The following XIRP2 variants were observed in gnomAD, a reference collection of about 807,000 sequenced individuals.
XIRP2 encodes the protein xin actin binding repeat containing 2.
Under a neutral mutation model 277.0 loss-of-function variants are expected in XIRP2, and 236 were observed. The observed-to-expected ratio is 0.85, with a 90% CI of 0.77 to 0.95. The LOEUF (loss-of-function observed/expected upper bound fraction) is 0.95. Among genes scored for constraint, XIRP2 ranks in the 40% least tolerant of loss-of-function variants. The pLI, the probability that XIRP2 is intolerant of heterozygous loss-of-function variation, is 0.00. For synonymous variants in XIRP2, 1,490 were observed against 1,416.5 expected (o/e 1.05, Z -1.17); for missense variants, 4,640 against 4,157.5 (o/e 1.12, Z -3.19).
At chr2:167,214,129 G>GGAAA in intron 4 of XIRP2, among the ~76,000 whole-genome samples, 1 of 121,676 alleles carries the variant, frequency 8.2e-6, no homozygotes, top group East Asian at 2.4e-4. Context: ...AAGGAAGGAA[G>GGAAA]GAAGGAAGCA....
At chr2:167,084,606 C>CT (rs1161715579) in intron 2 of XIRP2, among the ~76,000 whole-genome samples, 3 of 151,860 alleles carry the variant, frequency 2.0e-5, no homozygotes, top group African/African-American at 4.8e-5. Flanking sequence ...TTGATTATTG[C>CT]CACAATTTCA....
At chr2:167,098,506 G>C (rs188747836) in intron 2 of XIRP2, among the ~76,000 whole-genome samples, 1 of 152,126 alleles carries the variant, frequency 6.6e-6, no homozygotes, top group African/African-American at 2.4e-5. Flanking sequence ...TCCTTTAGAG[G>C]AGTTTGTTAT....
intron 2 of XIRP2, among the ~76,000 whole-genome samples, chr2:167,073,632 T>C (rs1241299794): frequency 1.3e-5 from 2 of 152,126 alleles, no homozygotes; most frequent in Non-Finnish European, 2.9e-5. Context: ...CTAAACCTAC[T>C]GGTGTAATTA....
intron 2 of XIRP2, 51 bp downstream of exon 2, chr2:166,903,941 AGCCT>A (rs1192836304): frequency 6.4e-7 from 1 of 1,562,820 alleles, no homozygotes; most frequent in African/African-American, 1.4e-5. Flanking sequence ...TTCCTTGCCT[AGCCT>A]ACCATTTATT....
At chr2:167,130,983 T>C (rs1691357042) in intron 2 of XIRP2, among the ~76,000 whole-genome samples, 1 of 152,030 alleles carries the variant, frequency 6.6e-6, no homozygotes, top group South Asian at 2.1e-4. Flanking sequence ...ACTGCCACAG[T>C]CATCTTTAGT....
At chr2:166,929,255 G>A (rs996933645) in intron 2 of XIRP2, among the ~76,000 whole-genome samples, 5 of 152,050 alleles carry the variant, frequency 3.3e-5, no homozygotes, top group African/African-American at 1.2e-4. Flanking sequence ...GACCAGATAT[G>A]TTTTCCACTT....
rs948466784 is a variant in XIRP2 at position 167,184,732 on chromosome 2, A to T, written c.563-26003A>T. On this transcript the variant is annotated intron_variant, in intron 3 of 10. Transcript: ENST00000409195. Reference sequence around the variant, plus strand: ...CTTACATATATTATCTCTGCAATTGATGTCACTTTCTATTTGTCTTCCATG... The same window carrying T: ...CTTACATATATTATCTCTGCAATTGTTGTCACTTTCTATTTGTCTTCCATG... 9 of 656,922 alleles carry T rather than the reference A, an allele frequency of 1.4e-5. No homozygotes were observed. The Admixed American group carries it at 1.5e-4, about 11-fold the overall frequency. The allele number at this position is 656,922 out of a possible 1,614,324, so 40.7% of individuals were successfully genotyped here. A position where few individuals can be genotyped will look rare whatever the true frequency, so the allele number is the denominator to read the frequency against.
At chr2:167,141,663 G>C (rs904264468) in intron 3 of XIRP2, among the ~76,000 whole-genome samples, 3 of 152,008 alleles carry the variant, frequency 2.0e-5, no homozygotes, top group Admixed American at 6.6e-5. Flanking sequence ...AAGAGTTCAA[G>C]ACCAGCTTGG....
intron 2 of XIRP2, among the ~76,000 whole-genome samples, chr2:166,931,085 A>T (rs1470221376): frequency 6.6e-6 from 1 of 152,186 alleles, no homozygotes; most frequent in Non-Finnish European, 1.5e-5. Context: ...GAGAACTAAA[A>T]TTCAGAAAAT....
At chr2:167,063,653 C>T (rs60188538) in intron 2 of XIRP2, among the ~76,000 whole-genome samples, 46,510 of 151,616 alleles carry the variant, frequency 0.31, 9,919 homozygotes, top group African/African-American at 0.61. Context: ...TTTTGATAAA[C>T]TGACACCTTT....
At chr2:167,189,172 T>G (rs1393961971) in intron 3 of XIRP2, among the ~76,000 whole-genome samples, 2 of 152,214 alleles carry the variant, frequency 1.3e-5, no homozygotes, top group Admixed American at 6.5e-5. Context: ...ATACTACTTA[T>G]GATTAGGCAA....
chr2:167,111,613 G>T (rs1198209855), intron 2 of XIRP2, among the ~76,000 whole-genome samples: 1 of 151,776 alleles, frequency 6.6e-6, no homozygotes, highest in Admixed American at 6.6e-5. Context: ...GTTCATCAAG[G>T]TTACTGGCTG....
intron 2 of XIRP2, among the ~76,000 whole-genome samples, chr2:167,109,863 A>T (rs908815856): frequency 1.3e-5 from 2 of 151,966 alleles, no homozygotes; most frequent in Non-Finnish European, 2.9e-5. Flanking sequence ...AGTAATAGCC[A>T]TTCTTACTGG....
intron 2 of XIRP2, among the ~76,000 whole-genome samples, chr2:167,070,976 T>A (rs1689423910): frequency 6.6e-6 from 1 of 152,190 alleles, no homozygotes; most frequent in South Asian, 2.1e-4. Flanking sequence ...GCAATATCAT[T>A]TACATACTAT....
At chr2:167,113,145 T>C (rs1377136910) in intron 2 of XIRP2, among the ~76,000 whole-genome samples, 1 of 152,204 alleles carries the variant, frequency 6.6e-6, no homozygotes, top group East Asian at 1.9e-4. Context: ...TAGAGAGTTC[T>C]ATAAATATCT....
At chr2:167,161,030 A>T (rs1692347847) in intron 3 of XIRP2, among the ~76,000 whole-genome samples, 1 of 152,216 alleles carries the variant, frequency 6.6e-6, no homozygotes, top group Non-Finnish European at 1.5e-5. Flanking sequence ...AAAATCCAGC[A>T]GGGCAGTCAA....
intron 3 of XIRP2, among the ~76,000 whole-genome samples, chr2:167,183,094 G>T (rs993314010): frequency 6.6e-6 from 1 of 152,134 alleles, no homozygotes; most frequent in Admixed American, 6.5e-5. Context: ...ATTCCTAAGT[G>T]GACCTAATGT....
At chr2:167,115,316 T>C (rs1443035951) in intron 2 of XIRP2, among the ~76,000 whole-genome samples, 4 of 152,202 alleles carry the variant, frequency 2.6e-5, no homozygotes, top group African/African-American at 9.7e-5. Flanking sequence ...CTTCTGAATC[T>C]CAATGATTTT....
In XIRP2 at chr2:167,249,100, A is replaced by G. The variant is rs760527471; in HGVS notation, c.7708A>G (p.Ile2570Val). 5.6e-6 allele frequency: 9 copies of G among 1,613,688 alleles called. No homozygotes were observed. The highest frequency in any genetic ancestry group is 3.3e-5 in the Admixed American group (2 of 59,966). ...KQKQESSYYN[I>V]VKTQSQNQHI... is the part of the protein sequence containing the mutation. ...GAAACAGGAGAGTTCTTACTACAACATTGTTAAAACTCAAAGCCAAAATCA... is the reference window on the plus strand; with the variant it reads ...GAAACAGGAGAGTTCTTACTACAACGTTGTTAAAACTCAAAGCCAAAATCA... The change falls in exon 9 of 11, where the codon ATT becomes GTT. Residue 2570 changes from isoleucine (I) to valine (V), a missense_variant. By Grantham distance (29) the Ile-to-Val change is conservative. Coordinates refer to ENST00000409195, the MANE Select transcript of XIRP2 (RefSeq NM_152381.6).
Sources: allele counts gnomAD v4.1 joint callset (sites outside exome capture counted in the v4.1 genomes callset), GRCh38; gene constraint gnomAD v4.1.1; transcripts MANE v1.5; gene names NCBI Gene and HGNC (gene_info 2026-07-23, HGNC 2026-07-21).